MED13L: variants seen among roughly 807,000 people sequenced by gnomAD.
MED13L encodes the protein mediator complex subunit 13L, also known as mediator of RNA polymerase II transcription subunit 13-like.
In MED13L, 7 loss-of-function variants were observed where a neutral mutation model predicts 220.9. The observed-to-expected ratio is 0.03, with a 90% confidence interval of 0.02 to 0.06. MED13L has a LOEUF of 0.06. Among genes scored for constraint, MED13L ranks in the 10% least tolerant of loss-of-function variants. The pLI, the probability that MED13L is intolerant of heterozygous loss-of-function variation, is 1.00. For synonymous variants in MED13L, 1,011 were observed against 1,015.2 expected, an observed-to-expected ratio of 1.00 and a Z score of 0.08; for missense variants, 1,965 against 2,760.5, an observed-to-expected ratio of 0.71 and a Z score of 6.46.
intron 29 of MED13L, among the ~76,000 whole-genome samples, chr12:115,964,162 G>C (rs894256463): frequency 1.3e-5 from 2 of 152,116 alleles, no homozygotes; most frequent in African/African-American, 2.4e-5. Context: ...TATTTTGCTT[G>C]TAAAAAGTCA....
chr12:116,030,397 G>GA, intron 4 of MED13L, among the ~76,000 whole-genome samples: 1 of 151,954 alleles, frequency 6.6e-6, no homozygotes, highest in East Asian at 1.9e-4. Flanking sequence ...ATTTAAAACT[G>GA]AATGACAACA....
intron 1 of MED13L, among the ~76,000 whole-genome samples, chr12:116,252,959 A>AT (rs1490363702): frequency 3.3e-5 from 5 of 152,148 alleles, no homozygotes; most frequent in Non-Finnish European, 7.3e-5. Context: ...GAACAACTCT[A>AT]TATCTATTAA....
chr12:116,148,074 A>AAAAAAAAAAAAAAAG (rs1377801971), intron 2 of MED13L, among the ~76,000 whole-genome samples: 3 of 98,310 alleles, frequency 3.1e-5, no homozygotes, highest in African/African-American at 3.9e-5. Context: ...AAAAAAAAAA[A>AAAAAAAAAAAAAAAG]GAGGGGGGCG....
chr12:116,020,385 T>A (rs1879989683), intron 5 of MED13L, among the ~76,000 whole-genome samples: 2 of 152,230 alleles, frequency 1.3e-5, no homozygotes, highest in Non-Finnish European at 2.9e-5. Flanking sequence ...GCCTGTACAA[T>A]GTAAACACTG....
intron 24 of MED13L, 27 bp downstream of exon 24, chr12:115,975,488 T>C (rs774954850): frequency 1.2e-6 from 2 of 1,606,024 alleles, no homozygotes; most frequent in Admixed American, 1.7e-5. Flanking sequence ...TTAATTTACA[T>C]GCACCATAAA....
intron 21 of MED13L, among the ~76,000 whole-genome samples, chr12:115,982,862 G>A (rs1195005957): frequency 6.6e-6 from 1 of 152,124 alleles, no homozygotes; most frequent in Non-Finnish European, 1.5e-5. Context: ...TGGTTATGTT[G>A]TACAAAGTTG....
intron 4 of MED13L, among the ~76,000 whole-genome samples, chr12:116,061,252 C>A (rs1183364260): frequency 1.3e-5 from 2 of 151,742 alleles, no homozygotes; most frequent in African/African-American, 4.8e-5. Flanking sequence ...TTTTTTAATT[C>A]CATATTATAA....
intron 2 of MED13L, among the ~76,000 whole-genome samples, chr12:116,198,452 C>T (rs1221836548): frequency 6.6e-6 from 1 of 152,050 alleles, no homozygotes; most frequent in Non-Finnish European, 1.5e-5. Context: ...GCAGTAGTGC[C>T]GCCTACATTT....
intron 3 of MED13L, among the ~76,000 whole-genome samples, 178 bp from the exon 4 acceptor site, chr12:116,096,930 TGG>T (rs1401674432): frequency 6.6e-6 from 1 of 152,198 alleles, no homozygotes; most frequent in Non-Finnish European, 1.5e-5. Flanking sequence ...TCTGGGACAC[TGG>T]GCACAGATTC....
chr12:115,992,170 A>G (rs1878108039), intron 16 of MED13L, among the ~76,000 whole-genome samples: 1 of 152,166 alleles, frequency 6.6e-6, no homozygotes, highest in African/African-American at 2.4e-5. Context: ...AGGTATGAAG[A>G]ATAATTCAAC....
chr12:116,124,123 C>CAGAGAGA (rs1555213726), intron 2 of MED13L, among the ~76,000 whole-genome samples: 15 of 133,612 alleles, frequency 1.1e-4, no homozygotes, highest in African/African-American at 4.0e-4. Context: ...GAGAGAAAGA[C>CAGAGAGA]GAGAGAGAGA....
chr12:116,169,974 G>A (rs868572782), intron 2 of MED13L, among the ~76,000 whole-genome samples: 5 of 152,128 alleles, frequency 3.3e-5, no homozygotes, highest in African/African-American at 7.2e-5. Context: ...CTACGATCAC[G>A]CCACTGCACT....
At chr12:116,218,274 T>C (rs765011580) in intron 2 of MED13L, among the ~76,000 whole-genome samples, 6 of 152,168 alleles carry the variant, frequency 3.9e-5, no homozygotes, top group Non-Finnish European at 8.8e-5. Context: ...CTCTCAAGAA[T>C]ATCCAATAAC....
chr12:116,258,795 AGGCTTTTTAGAGATT>A, intron 1 of MED13L, among the ~76,000 whole-genome samples: 1 of 150,058 alleles, frequency 6.7e-6, no homozygotes. Context: ...AAAAAAAAAA[AGGCTTTTTAGAGATT>A]AAACACTTGA....
rs77231419 is a variant in MED13L, at chr12:116,022,245, T to C, written c.625+211A>G. 2.4e-3 allele frequency among the ~76,000 whole-genome samples: 373 copies of C among 152,344 alleles called. 3 individuals carry two copies. Among genetic ancestry groups the C allele is most frequent in the African/African-American group, 8.6e-3 (359 of 41,584 alleles). On this transcript the variant is annotated intron_variant, in intron 5 of 30. Transcript: ENST00000281928. ...AAAGAATACACATAAGACCATCTTA[T>C]ATATGCGATAAGCTTCAGCGAAAAA...
chr12:116,128,326 T>C (rs1386498505), intron 2 of MED13L, among the ~76,000 whole-genome samples: 1 of 151,846 alleles, frequency 6.6e-6, no homozygotes, highest in African/African-American at 2.4e-5. Context: ...CTACGCAAAA[T>C]AGCCAAACAG....
chr12:116,053,492 C>T (rs1327491928), intron 4 of MED13L, among the ~76,000 whole-genome samples: 1 of 152,044 alleles, frequency 6.6e-6, no homozygotes, highest in East Asian at 1.9e-4. Context: ...GGAAGGCTAT[C>T]CAGGAAAGGA....
intron 1 of MED13L, among the ~76,000 whole-genome samples, chr12:116,245,838 A>C (rs1357828472): frequency 1.3e-5 from 2 of 152,184 alleles, no homozygotes; most frequent in East Asian, 3.8e-4. Flanking sequence ...TACAGAAAAT[A>C]AAGAGGAAAT....
At chr12:116,032,234 A>G in intron 4 of MED13L, among the ~76,000 whole-genome samples, 1 of 152,242 alleles carries the variant, frequency 6.6e-6, no homozygotes, top group East Asian at 1.9e-4. Flanking sequence ...ATTCTAATCA[A>G]TAGCCCAAGT....
Sources: allele counts gnomAD v4.1 joint callset (sites outside exome capture counted in the v4.1 genomes callset), GRCh38; gene constraint gnomAD v4.1.1; transcripts MANE v1.5; gene names NCBI Gene and HGNC (gene_info 2026-07-23, HGNC 2026-07-21).